The following SLC2A9 variants were observed in gnomAD, a reference collection of about 807,000 sequenced individuals.
SLC2A9 encodes the protein solute carrier family 2 member 9, also known as solute carrier family 2, facilitated glucose transporter member 9.
A neutral mutation model predicts 50.6 loss-of-function variants in SLC2A9; 39 were observed. That is an observed-to-expected ratio of 0.77 (90% CI 0.60 to 1.01). The LOEUF is 1.01. SLC2A9 is among the 50% of genes least tolerant of loss of function. The pLI is 0.00. For missense variants in SLC2A9, 686 were observed against 677.6 expected (o/e 1.01, Z -0.14); for synonymous variants, 324 against 276.9 (o/e 1.17, Z -1.69).
At chr4:9,807,853 G>A (rs887886665) in intron 3 of SLC2A9, among the ~76,000 whole-genome samples, 1 of 152,174 alleles carries the variant, frequency 6.6e-6, no homozygotes, top group Non-Finnish European at 1.5e-5. Flanking sequence ...GACTCTCAGG[G>A]CCCTAGAATG....
At chr4:9,948,017 G>C (rs1749510999) in intron 5 of SLC2A9, among the ~76,000 whole-genome samples, 2 of 152,088 alleles carry the variant, frequency 1.3e-5, no homozygotes, top group Admixed American at 6.5e-5. Context: ...CGCCATACAG[G>C]ATTCATACAA....
intron 3 of SLC2A9, chr4:9,995,659 T>C (rs1229135180): frequency 1.3e-5 from 2 of 152,192 alleles, no homozygotes; most frequent in Non-Finnish European, 1.5e-5. Flanking sequence ...ATGAGGGAAA[T>C]GCCAAATAAT....
downstream of SLC2A9, among the ~76,000 whole-genome samples, chr4:9,824,837 A>T (rs1475781510): frequency 6.6e-6 from 1 of 152,186 alleles, no homozygotes; most frequent in Non-Finnish European, 1.5e-5. Context: ...GGTCTCAGGC[A>T]CTTTTGGAAC....
At chr4:10,014,562 C>A (rs1346332351) in intron 2 of SLC2A9, among the ~76,000 whole-genome samples, 1 of 152,188 alleles carries the variant, frequency 6.6e-6, no homozygotes, top group Non-Finnish European at 1.5e-5. Flanking sequence ...CCCACTGGAC[C>A]CCACATCCAG....
chr4:9,786,962 A>T (rs111425769), intron 3 of SLC2A9, among the ~76,000 whole-genome samples: 1 of 152,174 alleles, frequency 6.6e-6, no homozygotes. Context: ...ACTCGAGAGG[A>T]CTTGGCCAGG....
chr4:9,879,673 T>C, intron 10 of SLC2A9: 2 of 985,444 alleles, frequency 2.0e-6, no homozygotes, highest in Non-Finnish European at 2.4e-6. Context: ...CCGCTCCATC[T>C]TGTTTGCATC....
At chr4:9,941,499 G>A (rs1271238239) in intron 6 of SLC2A9, among the ~76,000 whole-genome samples, 2 of 152,168 alleles carry the variant, frequency 1.3e-5, no homozygotes, top group Non-Finnish European at 2.9e-5. Flanking sequence ...CTCCTGGCAG[G>A]TAAATATTAA....
At chr4:9,928,738 G>GCAAA (rs968992754) in intron 6 of SLC2A9, among the ~76,000 whole-genome samples, 27 of 151,918 alleles carry the variant, frequency 1.8e-4, no homozygotes, top group Middle Eastern at 3.2e-3. Context: ...CTTCTCAAAA[G>GCAAA]CAAACAAACA....
At chr4:9,823,009 T>A (rs1012204322), downstream of SLC2A9, among the ~76,000 whole-genome samples, 1 of 152,154 alleles carries the variant, frequency 6.6e-6, no homozygotes, top group Admixed American at 6.5e-5. Context: ...CTCTCTTCAA[T>A]TTGCCTGATA....
chr4:9,902,981 G>C (rs1464272970), intron 8 of SLC2A9, among the ~76,000 whole-genome samples: 2 of 152,148 alleles, frequency 1.3e-5, no homozygotes, highest in African/African-American at 4.8e-5. Flanking sequence ...ACCTGCTGAG[G>C]CTTAGATCTG....
chr4:9,779,467 T>C (rs1287962883), downstream of SLC2A9, among the ~76,000 whole-genome samples: 1 of 149,134 alleles, frequency 6.7e-6, no homozygotes, highest in Non-Finnish European at 1.5e-5. Context: ...CAGGCTGGAG[T>C]GTGGTGGTGT....
intron 6 of SLC2A9, among the ~76,000 whole-genome samples, chr4:9,930,452 G>C (rs1000873675): frequency 3.9e-5 from 6 of 152,154 alleles, no homozygotes; most frequent in African/African-American, 1.4e-4. Flanking sequence ...GCAGTGTTGG[G>C]GGTGTGCTGT....
intron 3 of SLC2A9, among the ~76,000 whole-genome samples, chr4:9,800,503 G>A (rs1245913084): frequency 2.0e-5 from 3 of 152,214 alleles, no homozygotes; most frequent in African/African-American, 7.2e-5. Context: ...GGAGCTCTCA[G>A]AATGAAATCA....
intron 2 of SLC2A9, among the ~76,000 whole-genome samples, chr4:10,007,697 C>T (rs946908273): frequency 2.0e-5 from 3 of 152,188 alleles, no homozygotes; most frequent in Non-Finnish European, 2.9e-5. Flanking sequence ...AGTGCATTTT[C>T]GCAGACTTGA....
chr4:9,949,594 C>T (rs1301740329), intron 5 of SLC2A9, among the ~76,000 whole-genome samples: 1 of 152,206 alleles, frequency 6.6e-6, no homozygotes, highest in Non-Finnish European at 1.5e-5. Flanking sequence ...CTTCTGATCC[C>T]TGTACGGGGC....
intron 7 of SLC2A9, among the ~76,000 whole-genome samples, chr4:9,910,681 T>C (rs1741570430): frequency 6.6e-6 from 1 of 152,230 alleles, no homozygotes; most frequent in African/African-American, 2.4e-5. Context: ...CCTCTTATGA[T>C]GTGGCCAGCA....
chr4:9,794,319 T>A (rs1720329965), downstream of SLC2A9, among the ~76,000 whole-genome samples: 1 of 152,190 alleles, frequency 6.6e-6, no homozygotes. Context: ...CACGCCCGGC[T>A]AATTTTTTGT....
chr4:9,970,462 G>A (rs940509845), intron 5 of SLC2A9, among the ~76,000 whole-genome samples: 1 of 152,090 alleles, frequency 6.6e-6, no homozygotes, highest in African/African-American at 2.4e-5. Flanking sequence ...GGGCATCCCT[G>A]CTTTGGGGTG....
chr4:9,826,112 C>T (rs1725087261), downstream of SLC2A9: 1 of 409,854 alleles, frequency 2.4e-6, no homozygotes. Flanking sequence ...GAAGGCAGGT[C>T]ATCTACCTAT....
Sources: gnomAD v4.1 joint callset for allele counts (sites outside exome capture counted in the v4.1 genomes callset) on GRCh38, gnomAD v4.1.1 for gene constraint, MANE v1.5 for transcripts, NCBI Gene and HGNC (gene_info 2026-07-23, HGNC 2026-07-21) for gene names.